USH2A: variants seen among roughly 807,000 people sequenced by gnomAD.
USH2A encodes the protein usherin, also known as Usher syndrome 2A (autosomal recessive, mild).
Under a neutral mutation model 538.9 loss-of-function variants are expected in USH2A, and 443 were observed. The observed-to-expected ratio is 0.82, with a 90% CI of 0.76 to 0.89. The LOEUF (loss-of-function observed/expected upper bound fraction) is 0.89. Ranked by LOEUF, USH2A falls within the 40% of genes least tolerant of loss-of-function variation. The probability of loss-of-function intolerance (pLI) is 0.00; values close to 1 mark genes in which losing one functional copy is unlikely to be tolerated. For synonymous variants in USH2A, 2,413 were observed against 2,273.5 expected, an observed-to-expected ratio of 1.06 and a Z score of -1.75; for missense variants, 6,633 against 6,324.8, an observed-to-expected ratio of 1.05 and a Z score of -1.65.
intron 27 of USH2A, among the ~76,000 whole-genome samples, chr1:216,075,605 T>A (rs2031719069): frequency 1.3e-5 from 2 of 152,232 alleles, no homozygotes; most frequent in Non-Finnish European, 2.9e-5. Context: ...GCAGGCCTGC[T>A]AAATTTGAGC....
intron 61 of USH2A, among the ~76,000 whole-genome samples, chr1:215,727,051 G>A (rs1659841929): frequency 6.6e-6 from 1 of 152,064 alleles, no homozygotes; most frequent in Non-Finnish European, 1.5e-5. Flanking sequence ...AAAGCACTCA[G>A]GAGCTACTAA....
intron 11 of USH2A, among the ~76,000 whole-genome samples, chr1:216,286,920 G>A (rs2036897729): frequency 6.6e-6 from 1 of 152,020 alleles, no homozygotes; most frequent in South Asian, 2.1e-4. Context: ...AAAACAACAG[G>A]AAGGAAGATT....
chr1:215,668,791 G>A (rs1657712184), intron 64 of USH2A, among the ~76,000 whole-genome samples: 1 of 152,198 alleles, frequency 6.6e-6, no homozygotes, highest in South Asian at 2.1e-4. Flanking sequence ...AGCATTTTGG[G>A]AGGTCAAGGC....
intron 57 of USH2A, 76 bp downstream of exon 57, chr1:215,759,584 G>T: frequency 6.4e-7 from 1 of 1,557,792 alleles, no homozygotes; most frequent in Non-Finnish European, 8.8e-7. Flanking sequence ...ACTTTCAGTG[G>T]GACATGCATT....
chr1:216,185,935 T>C (rs1045180736), intron 20 of USH2A, among the ~76,000 whole-genome samples: 9 of 151,884 alleles, frequency 5.9e-5, no homozygotes, highest in Admixed American at 3.3e-4. Flanking sequence ...TTCACTGATC[T>C]GAACAACCCT....
In USH2A at chr1:216,258,080, C is replaced by T. The variant is rs868741425; in HGVS notation, c.1972-6982G>A. Among the ~76,000 whole-genome samples, 7 of 152,096 alleles carry T rather than the reference C, an allele frequency of 4.6e-5. No individual in the cohort carries two copies. In the Middle Eastern group the frequency reaches 0.01, roughly 222 times the overall value. ...TGTACTTTCCTGCTTCTTTACATGC[C>T]TGATAATCTTTGATTTGGTGCCAGA... On this transcript the variant is annotated intron_variant, in intron 11 of 71. Coordinates refer to ENST00000307340, the MANE Select transcript of USH2A (RefSeq NM_206933.4).
chr1:215,938,164 A>G (rs187372493), intron 37 of USH2A, among the ~76,000 whole-genome samples: 2 of 152,250 alleles, frequency 1.3e-5, no homozygotes, highest in Non-Finnish European at 2.9e-5. Context: ...GCTCAGCTCA[A>G]AAAAGAACTT....
chr1:216,098,324 C>T (rs1450564521), intron 21 of USH2A, among the ~76,000 whole-genome samples: 2 of 150,916 alleles, frequency 1.3e-5, no homozygotes, highest in Non-Finnish European at 2.9e-5. Context: ...ACAAATTATC[C>T]TGTGGAATCA....
chr1:216,120,240 A>AAAAAAAAAAAAAAAAAG, intron 21 of USH2A, among the ~76,000 whole-genome samples: 1 of 94,684 alleles, frequency 1.1e-5, no homozygotes, highest in Non-Finnish European at 2.4e-5. Flanking sequence ...AAAAAAAAAA[A>AAAAAAAAAAAAAAAAAG]AAAAAAAAAA....
intron 35 of USH2A, among the ~76,000 whole-genome samples, chr1:215,992,644 C>A (rs1331016374): frequency 6.6e-6 from 1 of 152,186 alleles, no homozygotes; most frequent in Non-Finnish European, 1.5e-5. Context: ...TGTACATGAA[C>A]TTTCCACCTC....
intron 13 of USH2A, among the ~76,000 whole-genome samples, chr1:216,243,129 A>T (rs559853287): frequency 1.3e-5 from 2 of 152,280 alleles, no homozygotes; most frequent in East Asian, 1.9e-4. Flanking sequence ...GGGCCACTAT[A>T]AACTGTAGCA....
chr1:215,771,302 C>A (rs895002713), intron 55 of USH2A, among the ~76,000 whole-genome samples: 1 of 151,488 alleles, frequency 6.6e-6, no homozygotes, highest in African/African-American at 2.4e-5. Context: ...AAAATTCGGC[C>A]GGGCGCAGTG....
chr1:216,323,631 G>A lies in USH2A; in HGVS notation c.1393C>T (p.Pro465Ser). 1.9e-6 allele frequency: 3 copies of A among 1,613,584 alleles called. No individual in the cohort carries two copies. The highest frequency in any genetic ancestry group is 2.5e-6 in the Non-Finnish European group (3 of 1,179,738). The change falls in exon 8 of 72, where the codon CCT (proline) becomes TCT (serine). Residue 465 changes from proline to serine, a missense_variant. Physicochemically the swap from Pro to Ser is moderately conservative, Grantham distance 74 (BLOSUM62 -1). Coordinates refer to ENST00000307340, the MANE Select transcript of USH2A (RefSeq NM_206933.4). ...SILTPGPNYR[P>S]GYNNFYNTPS... ...GTATTATAGAAGTTATTGTATCCAG[G>A]ACGATAATTTGGTCCAGGTGTCAGG...
intron 58 of USH2A, among the ~76,000 whole-genome samples, chr1:215,754,543 C>A (rs1372453070): frequency 6.6e-6 from 1 of 151,416 alleles, no homozygotes; most frequent in Non-Finnish European, 1.5e-5. Context: ...AAAACAAATA[C>A]AATTTAGCCA....
chr1:216,261,822 A>T (rs2036379209), intron 11 of USH2A, among the ~76,000 whole-genome samples: 1 of 152,104 alleles, frequency 6.6e-6, no homozygotes, highest in Non-Finnish European at 1.5e-5. Flanking sequence ...CCAGTTCCTA[A>T]GCTAGGTGAC....
intron 20 of USH2A, among the ~76,000 whole-genome samples, chr1:216,189,850 C>T (rs775927838): frequency 7.2e-5 from 11 of 151,942 alleles, no homozygotes; most frequent in Non-Finnish European, 1.5e-4. Context: ...ATTGTCAGGA[C>T]ACTGCTAGGA....
In USH2A at chr1:215,779,931, G is replaced by A. The variant is rs12073994; in HGVS notation, c.10851C>T (p.Asn3617=). Residue 3617 remains asparagine (N), a synonymous_variant, in exon 55 of 72, where the codon AAC becomes AAT. Coordinates refer to ENST00000307340, the MANE Select transcript of USH2A (RefSeq NM_206933.4). ...HLSWSVPEKS[N]GVIKEYQIRQ... is the part of the protein sequence containing the mutation. ...TGATCTGGTACTCTTTAATGACGCC[G>A]TTTGATTTCTCAGGGACACTCCAGC... 1.0e-3 allele frequency: 1,652 copies of A among 1,614,028 alleles called. 12 individuals are homozygous for A. The African/African-American group carries it at 0.016, about 16-fold the overall frequency.
At chr1:216,102,111 A>G (rs192625695) in intron 21 of USH2A, among the ~76,000 whole-genome samples, 138 of 152,254 alleles carry the variant, frequency 9.1e-4, no homozygotes, top group African/African-American at 3.2e-3. Flanking sequence ...TGAATAAGAG[A>G]ATGAAAAGAC....
At chr1:216,405,605 T>C (rs1185257636) in intron 3 of USH2A, among the ~76,000 whole-genome samples, 5 of 152,172 alleles carry the variant, frequency 3.3e-5, no homozygotes, top group Non-Finnish European at 2.9e-5. Flanking sequence ...GGTGGGATTC[T>C]AAAATGGAAC....
Sources: gnomAD v4.1 joint callset for allele counts (sites outside exome capture counted in the v4.1 genomes callset) on GRCh38, gnomAD v4.1.1 for gene constraint, MANE v1.5 for transcripts, NCBI Gene and HGNC (gene_info 2026-07-23, HGNC 2026-07-21) for gene names.